NDUFS7: variants seen among roughly 807,000 people sequenced by gnomAD.
NDUFS7 encodes the protein NADH dehydrogenase [ubiquinone] iron-sulfur protein 7, mitochondrial.
NDUFS7 carries 11 observed loss-of-function variants against 31.1 expected under a neutral mutation model. The observed-to-expected ratio is 0.35, with a 90% CI of 0.22 to 0.59. The LOEUF (loss-of-function observed/expected upper bound fraction) is 0.59. Among genes scored for constraint, NDUFS7 ranks in the 20% least tolerant of loss-of-function variants. NDUFS7 has a pLI of 0.79. For missense variants in NDUFS7, 263 were observed against 324.2 expected (o/e 0.81, Z 1.45); for synonymous variants, 136 against 127.9 (o/e 1.06, Z -0.43).
chr19:1,394,200 C>A, intron 7 of NDUFS7: 1 of 406,342 alleles, frequency 2.5e-6, no homozygotes, highest in South Asian at 2.1e-5. Context: ...CTTTGGATTC[C>A]GCTTCCCTGG....
In NDUFS7 at chr19:1,388,600, C is replaced by G. The variant is rs1223945223; in HGVS notation, c.122+7C>G. The G allele has an allele frequency of 3.7e-6, 6 of 1,611,422 alleles. No homozygotes were observed. The African/African-American group carries it at 5.3e-5, about 14-fold the overall frequency. On this transcript the variant is annotated splice_region_variant and intron_variant, in intron 3 of 7. Coordinates refer to ENST00000233627, the MANE Select transcript of NDUFS7 (RefSeq NM_024407.5). ...CCACCGATGGCCCAAGCAGGTGAAG[C>G]TGGCCTTCTGGGGGAGGTCGTACCC...
At chr19:1,390,380 G>A (rs1312620943) in intron 4 of NDUFS7, 5 of 216,752 alleles carry the variant, frequency 2.3e-5, no homozygotes, top group Middle Eastern at 1.8e-3. Context: ...TCAGAGCCGC[G>A]TGCAGGGAGA....
rs2082568981 is a variant in NDUFS7 at position 1,393,186 on chromosome 19, G to C, written c.456-56G>C. ...TGGGGATGGGGCGAGGCCTCGTGGA[G>C]GGAGGGTGGGCAGGCGGGTCTTCGG... On this transcript the variant is annotated intron_variant, in intron 6 of 7. Coordinates refer to ENST00000233627, the MANE Select transcript of NDUFS7 (RefSeq NM_024407.5). The surrounding 1 kb of genome is among the most constrained non-coding windows in gnomAD (Gnocchi z 7.3). 9.7e-6 allele frequency: 14 copies of C among 1,437,872 alleles called. No homozygotes were observed. In the South Asian group the frequency reaches 1.5e-4, roughly 15 times the overall value. The allele number at this position is 1,437,872 out of a possible 1,614,324, so 89.1% of individuals were successfully genotyped here. A position where few individuals can be genotyped will look rare whatever the true frequency, so the allele number is the denominator to read the frequency against.
At chr19:1,389,450 C>T (rs951443360) in intron 4 of NDUFS7, 51 of 457,820 alleles carry the variant, frequency 1.1e-4, no homozygotes, top group African/African-American at 7.4e-4. Flanking sequence ...CGGACCCTCC[C>T]GGAGGCCCCT....
chr19:1,393,023 T>C lies in NDUFS7; in HGVS notation c.456-219T>C, dbSNP rs891969269. 8.3e-6 allele frequency: 5 copies of C among 600,888 alleles called. No individual in the cohort carries two copies. In the African/African-American group the frequency reaches 9.2e-5, roughly 11 times the overall value. The allele number at this position is 600,888 out of a possible 1,614,324, so 37.2% of individuals were successfully genotyped here. On this transcript the variant is annotated intron_variant, in intron 6 of 7. Transcript: ENST00000233627. This position sits in a 1 kb window ranked among gnomAD's most constrained non-coding sequence, Gnocchi z 7.3. ...GAGCCCCCTCGGGAGGGGAGCACTT[T>C]TCCCCGAGTTATCAGCCACGTGTGA... is the stretch of plus-strand genomic sequence containing the variant.
Position 1,393,190 on chromosome 19 carries a change from G to T in NDUFS7, c.456-52G>T. On this transcript the variant is annotated intron_variant, in intron 6 of 7. Coordinates refer to ENST00000233627, the MANE Select transcript of NDUFS7 (RefSeq NM_024407.5). The surrounding 1 kb of genome is among the most constrained non-coding windows in gnomAD (Gnocchi z 7.3). ...GATGGGGCGAGGCCTCGTGGAGGGA[G>T]GGTGGGCAGGCGGGTCTTCGGCACA... The T allele has an allele frequency of 6.9e-7, 1 of 1,456,338 alleles. No homozygotes were observed. The highest frequency in any genetic ancestry group is 1.2e-5 in the South Asian group (1 of 82,334). 90.2% of individuals were successfully genotyped at this position (1,456,338 alleles called of 1,614,324 possible). A position where few individuals can be genotyped will look rare whatever the true frequency, so the allele number is the denominator to read the frequency against.
At chr19:1,389,212 CACAT>C (rs754598730) in intron 4 of NDUFS7, 15 of 681,394 alleles carry the variant, frequency 2.2e-5, no homozygotes, top group African/African-American at 2.1e-4. Context: ...CACGCTTGCA[CACAT>C]ACACACATGC....
At position 1,395,213 on chromosome 19, in the gene NDUFS7, T is replaced by G. The variant is rs1600154969; in HGVS notation, c.545-178T>G. ...GCCCAGGGGAGGACCCCACTCTTCC[T>G]GCAGGGACCTCCCCTGCGCCGGCTC... On this transcript the variant is annotated intron_variant, in intron 7 of 7. Transcript: ENST00000233627. The G allele has an allele frequency of 2.7e-5, 38 of 1,429,456 alleles. 2 individuals carry two copies. In the South Asian group the frequency reaches 5.0e-4, roughly 19 times the overall value. 88.5% of individuals were successfully genotyped at this position (1,429,456 alleles called of 1,614,324 possible).
At chr19:1,390,812 TCACGCTGGGC>T in intron 4 of NDUFS7, 49 bp from the exon 5 acceptor site, 1 of 1,572,518 alleles carries the variant, frequency 6.4e-7, no homozygotes, top group South Asian at 1.1e-5. Context: ...ACGTGGAGTC[TCACGCTGGGC>T]CACGCGGGGC....
rs1809554873 is a variant in NDUFS7 at position 1,393,421 on chromosome 19, C to T, written c.544+91C>T. 1.9e-6 allele frequency: 2 copies of T among 1,071,922 alleles called. No homozygotes were observed. Among genetic ancestry groups the T allele is most frequent in the South Asian group, 2.7e-5 (2 of 74,718 alleles). 66.4% of individuals were successfully genotyped at this position (1,071,922 alleles called of 1,614,324 possible). On this transcript the variant is annotated intron_variant, in intron 7 of 7. Coordinates refer to ENST00000233627, the MANE Select transcript of NDUFS7 (RefSeq NM_024407.5). The surrounding 1 kb of genome is among the most constrained non-coding windows in gnomAD (Gnocchi z 7.3). ...CGGCCCCTGTGAGGGAGTCCCACAC[C>T]CCCAGCAGACGGCGGGCTCCCCCAT...
chr19:1,395,293 G>A (rs892383448), intron 7 of NDUFS7, 98 bp from the exon 8 acceptor site: 32 of 1,505,204 alleles, frequency 2.1e-5, no homozygotes, highest in South Asian at 3.8e-5. Context: ...TTCAGAGGCC[G>A]GCCCGGGAAA....
At chr19:1,394,543 C>T in intron 7 of NDUFS7, 1 of 1,250,310 alleles carries the variant, frequency 8.0e-7, no homozygotes, top group South Asian at 1.3e-5. Flanking sequence ...GACCGCGCTC[C>T]TCCCTCCCTG....
At chr19:1,395,137 G>T (rs2082587469) in intron 7 of NDUFS7, 1 of 1,394,714 alleles carries the variant, frequency 7.2e-7, no homozygotes, top group Admixed American at 3.0e-5. Flanking sequence ...TTGTCCGAGA[G>T]GTCCCTGTGA....
intron 1 of NDUFS7, among the ~76,000 whole-genome samples, chr19:1,385,258 T>C (rs933277853): frequency 1.3e-5 from 2 of 152,252 alleles, no homozygotes; most frequent in African/African-American, 4.8e-5. Context: ...CTCACGCCTG[T>C]AATCCCAGCA....
chr19:1,385,092 C>T (rs2082498710), intron 1 of NDUFS7, among the ~76,000 whole-genome samples: 2 of 152,152 alleles, frequency 1.3e-5, no homozygotes, highest in Admixed American at 6.5e-5. Context: ...CTGGGAGCCA[C>T]GGCACCCAGC....
At position 1,393,970 on chromosome 19, in the gene NDUFS7, C is replaced by A; in HGVS notation, c.544+640C>A. 1 of 245,874 alleles carries A rather than the reference C, an allele frequency of 4.1e-6. No individual in the cohort carries two copies. The highest frequency in any genetic ancestry group is 8.1e-6 in the Non-Finnish European group (1 of 123,482). The allele number at this position is 245,874 out of a possible 1,614,324, so 15.2% of individuals were successfully genotyped here. ...TGCACCTCACGTGGTCCCACGAGGG[C>A]CATCCCCCCGGGCGTTCACCTTGAC... On this transcript the variant is annotated intron_variant, in intron 7 of 7. Coordinates refer to ENST00000233627, the MANE Select transcript of NDUFS7 (RefSeq NM_024407.5). This position sits in a 1 kb window ranked among gnomAD's most constrained non-coding sequence, Gnocchi z 7.3.
chr19:1,395,477 T>C lies in NDUFS7; in HGVS notation c.631T>C (p.Tyr211His), dbSNP rs537733694. The C allele has an allele frequency of 2.2e-5, 35 of 1,588,434 alleles. No homozygotes were observed. The highest frequency in any genetic ancestry group is 1.7e-4 in the Middle Eastern group (1 of 6,026). The change falls in exon 8 of 8, where the codon TAC becomes CAC. Residue 211 changes from tyrosine (Y) to histidine (H), a missense_variant. Coordinates refer to ENST00000233627, the MANE Select transcript of NDUFS7 (RefSeq NM_024407.5). Reference sequence around the variant, plus strand: ...GCGGGAGCGGAGGCTGCAGATCTGGTACCGCAGGTAGCGCCGCCGCCGCCG... The same window carrying C: ...GCGGGAGCGGAGGCTGCAGATCTGGCACCGCAGGTAGCGCCGCCGCCGCCG... The part of the protein sequence containing the change: ...IKRERRLQIW[Y>H]RR
chr19:1,394,451 T>C lies in NDUFS7; in HGVS notation c.545-940T>C, dbSNP rs1393613944. ...CCTCCCTCCCTGGGGACCGCGCTCCTCCCTCCCTGCGGACTGTGCTCCCTG... is the reference window on the plus strand; with the variant it reads ...CCTCCCTCCCTGGGGACCGCGCTCCCCCCTCCCTGCGGACTGTGCTCCCTG... On this transcript the variant is annotated intron_variant, in intron 7 of 7. Coordinates refer to ENST00000233627, the MANE Select transcript of NDUFS7 (RefSeq NM_024407.5). 55 of 1,273,372 alleles carry C rather than the reference T, an allele frequency of 4.3e-5. 1 individual carries two copies. Among genetic ancestry groups the C allele is most frequent in the South Asian group, 2.6e-5 (2 of 78,020 alleles). The allele number at this position is 1,273,372 out of a possible 1,614,324, so 78.9% of individuals were successfully genotyped here.
intron 4 of NDUFS7, chr19:1,389,168 TGC>T (rs2082533187): frequency 1.4e-6 from 1 of 693,866 alleles, no homozygotes; most frequent in African/African-American, 1.8e-5. Context: ...CATGCACACT[TGC>T]ACACACATGC....
Sources: allele counts gnomAD v4.1 joint callset (sites outside exome capture counted in the v4.1 genomes callset), GRCh38; gene constraint gnomAD v4.1.1; non-coding constraint Gnocchi (gnomAD v3.1); transcripts MANE v1.5; gene names NCBI Gene and HGNC (gene_info 2026-07-23, HGNC 2026-07-21).